GRHL2: variants seen among roughly 807,000 people sequenced by gnomAD.
The protein encoded by GRHL2 is grainyhead like transcription factor 2.
Under a neutral mutation model 83.8 loss-of-function variants are expected in GRHL2, and 21 were observed. That is an observed-to-expected ratio of 0.25 (90% CI 0.18 to 0.36). GRHL2 has a LOEUF of 0.36. Among genes scored for constraint, GRHL2 ranks in the 10% least tolerant of loss-of-function variants. GRHL2 has a pLI of 1.00. For synonymous variants in GRHL2, 280 were observed against 278.9 expected, an observed-to-expected ratio of 1.00 and a Z score of -0.04; for missense variants, 623 against 781.8, an observed-to-expected ratio of 0.80 and a Z score of 2.42.
intron 8 of GRHL2, among the ~76,000 whole-genome samples, chr8:101,618,867 G>A (rs1812907123): frequency 6.6e-6 from 1 of 152,008 alleles, no homozygotes; most frequent in Non-Finnish European, 1.5e-5. Context: ...ACAGGCCAGA[G>A]ATTAGAATAA....
At chr8:101,558,276 G>A in intron 3 of GRHL2, 143 bp from the exon 4 acceptor site, 6 of 916,210 alleles carry the variant, frequency 6.5e-6, no homozygotes, top group Admixed American at 2.0e-5. Flanking sequence ...ATCCCATTGC[G>A]TTTCGTTGTG....
chr8:101,512,015 A>T (rs1810476527), intron 1 of GRHL2, among the ~76,000 whole-genome samples: 1 of 152,196 alleles, frequency 6.6e-6, no homozygotes, highest in Non-Finnish European at 1.5e-5. Flanking sequence ...ACTATTTTTT[A>T]ACTCTTCAGT....
intron 7 of GRHL2, among the ~76,000 whole-genome samples, chr8:101,592,392 C>A (rs1812306459): frequency 6.6e-6 from 1 of 152,146 alleles, no homozygotes; most frequent in Non-Finnish European, 1.5e-5. Flanking sequence ...CACGAGCCAC[C>A]ATGCCCGGCC....
chr8:101,507,820 C>G (rs1424094099), intron 1 of GRHL2, among the ~76,000 whole-genome samples: 1 of 123,090 alleles, frequency 8.1e-6, no homozygotes, highest in East Asian at 2.7e-4. Context: ...CTCTGTCACT[C>G]AGGCTGGAGT....
intron 1 of GRHL2, among the ~76,000 whole-genome samples, chr8:101,495,311 A>G (rs1810074707): frequency 6.6e-6 from 1 of 152,272 alleles, no homozygotes; most frequent in South Asian, 2.1e-4. Context: ...TTGGGATTGC[A>G]CAGGAAGATA....
intron 9 of GRHL2, among the ~76,000 whole-genome samples, chr8:101,621,818 A>G (rs1033944227): frequency 3.9e-5 from 6 of 152,176 alleles, no homozygotes; most frequent in Admixed American, 3.9e-4. Context: ...GGATTTCTTG[A>G]GTCCAGGAGT....
In GRHL2 at chr8:101,608,775, A is replaced by C. The variant is rs945004832; in HGVS notation, c.1098+9624A>C. Among the ~76,000 whole-genome samples the C allele has an allele frequency of 4.5e-3, 564 of 124,332 alleles. 38 individuals carry two copies. The highest frequency in any genetic ancestry group is 0.015 in the African/African-American group (515 of 33,746). The allele number at this position is 124,332 out of a possible 152,430, so 81.6% of individuals were successfully genotyped here. ...CACACACACACACACACACACACAC[A>C]CACCTACACCTCATTTCTAAGTACT... On this transcript the variant is annotated intron_variant, in intron 8 of 15. Transcript: ENST00000646743.
chr8:101,652,615 T>TGTG (rs1554596898), intron 14 of GRHL2, among the ~76,000 whole-genome samples: 7,800 of 119,718 alleles, frequency 0.065, 580 homozygotes, highest in African/African-American at 0.16. Flanking sequence ...GTGTGTGTGG[T>TGTG]GTGTGTGTGT....
At chr8:101,600,253 A>G (rs1283903870) in intron 8 of GRHL2, among the ~76,000 whole-genome samples, 1 of 152,218 alleles carries the variant, frequency 6.6e-6, no homozygotes, top group Non-Finnish European at 1.5e-5. Flanking sequence ...TCCGTGGCTC[A>G]GTGCCTCCCA....
intron 8 of GRHL2, among the ~76,000 whole-genome samples, chr8:101,601,190 C>CA (rs1563601502): frequency 1.0e-4 from 15 of 148,528 alleles, no homozygotes; most frequent in African/African-American, 3.8e-4. Flanking sequence ...ACACACACAC[C>CA]CCACCACCAC....
chr8:101,667,997 A>T lies in GRHL2; in HGVS notation c.*1294A>T, dbSNP rs1355940004. ...ATGGAAAGGGGGTATTGTTTGCCTC[A>T]CTCCTGGATGCTGCGTTTTAAGGAA... is the stretch of plus-strand genomic sequence containing the variant. On this transcript the variant is annotated 3_prime_UTR_variant, in exon 16 of 16. Transcript: ENST00000646743. 1.3e-5 allele frequency: 2 copies of T among 152,284 alleles called. No homozygotes were observed. Among genetic ancestry groups the T allele is most frequent in the African/African-American group, 4.8e-5 (2 of 41,332 alleles). The allele number at this position is 152,284 out of a possible 1,614,324, so 9.4% of individuals were successfully genotyped here. A position where few individuals can be genotyped will look rare whatever the true frequency, so the allele number is the denominator to read the frequency against.
chr8:101,535,491 G>A (rs1811026561), intron 1 of GRHL2, among the ~76,000 whole-genome samples: 2 of 152,122 alleles, frequency 1.3e-5, no homozygotes, highest in South Asian at 4.2e-4. Flanking sequence ...CTGTTTTGGT[G>A]TCATTCTTGG....
chr8:101,598,979 T>C (rs1347874661), intron 7 of GRHL2, 78 bp from the exon 8 acceptor site: 23 of 974,084 alleles, frequency 2.4e-5, no homozygotes, highest in East Asian at 4.9e-5. Flanking sequence ...AATTTACCCA[T>C]TGGAAAATGA....
chr8:101,603,160 G>T (rs370073015), intron 8 of GRHL2, among the ~76,000 whole-genome samples: 2 of 151,798 alleles, frequency 1.3e-5, no homozygotes, highest in African/African-American at 4.8e-5. Flanking sequence ...TAAGAATGAG[G>T]TTTTTTTTGC....
At chr8:101,566,693 A>G (rs1192555303) in intron 4 of GRHL2, among the ~76,000 whole-genome samples, 1 of 151,224 alleles carries the variant, frequency 6.6e-6, no homozygotes, top group Non-Finnish European at 1.5e-5. Context: ...ATCCTCCCCC[A>G]TACAACCTTA....
chr8:101,533,428 T>C (rs1290310962), intron 1 of GRHL2, among the ~76,000 whole-genome samples: 3 of 152,192 alleles, frequency 2.0e-5, no homozygotes, highest in Non-Finnish European at 4.4e-5. Flanking sequence ...ATTTAACAGA[T>C]GTTAATTGAC....
chr8:101,515,176 G>GCACACACACACACACACACA (rs4002325), intron 1 of GRHL2, among the ~76,000 whole-genome samples: 11 of 144,442 alleles, frequency 7.6e-5, no homozygotes, highest in South Asian at 2.3e-4. Context: ...CTGTCTCTCT[G>GCACACACACACACACACACA]CACACACACA....
intron 13 of GRHL2, among the ~76,000 whole-genome samples, chr8:101,648,320 A>C (rs1157293336): frequency 6.6e-6 from 1 of 152,156 alleles, no homozygotes; most frequent in Non-Finnish European, 1.5e-5. Context: ...AAAGATAGCC[A>C]AGACTTCCCT....
At chr8:101,543,936 A>C (rs190411391) in intron 2 of GRHL2, 1 of 180,630 alleles carries the variant, frequency 5.5e-6, no homozygotes, top group Non-Finnish European at 1.2e-5. Flanking sequence ...ACGGCAGTGG[A>C]AACAGAAAAT....
Sources: allele counts gnomAD v4.1 joint callset (sites outside exome capture counted in the v4.1 genomes callset), GRCh38; gene constraint gnomAD v4.1.1; transcripts MANE v1.5; gene names NCBI Gene and HGNC (gene_info 2026-07-23, HGNC 2026-07-21).